Variants in FNDC1 observed in about 807,000 individuals in gnomAD.
FNDC1 encodes fibronectin type III domain-containing protein 1.
A neutral mutation model predicts 168.0 loss-of-function variants in FNDC1; 96 were observed. The ratio of observed to expected loss-of-function variants is 0.57; its 90% CI spans 0.48 to 0.68. The LOEUF is 0.68. Among genes scored for constraint, FNDC1 ranks in the 30% least tolerant of loss-of-function variants. The pLI is 0.00. For synonymous variants in FNDC1, 1,099 were observed against 1,025.9 expected (o/e 1.07, Z -1.36); for missense variants, 2,587 against 2,482.1 (o/e 1.04, Z -0.90).
intron 4 of FNDC1, among the ~76,000 whole-genome samples, chr6:159,210,402 T>C (rs1462802726): frequency 6.6e-6 from 1 of 152,226 alleles, no homozygotes; most frequent in Non-Finnish European, 1.5e-5. Flanking sequence ...GGTCAGCAGA[T>C]GGGCTGTGAT....
At chr6:159,239,307 T>C (rs919714825) in intron 13 of FNDC1, among the ~76,000 whole-genome samples, 11 of 152,222 alleles carry the variant, frequency 7.2e-5, no homozygotes, top group African/African-American at 1.9e-4. Flanking sequence ...GGCATAGGAA[T>C]GAGGCAAAGG....
At chr6:159,198,437 T>C (rs542777397) in intron 2 of FNDC1, among the ~76,000 whole-genome samples, 1 of 152,268 alleles carries the variant, frequency 6.6e-6, no homozygotes, top group East Asian at 1.9e-4. Context: ...CTCCACCTCC[T>C]GCATTTGACA....
chr6:159,243,792 A>G (rs566764772), intron 14 of FNDC1, among the ~76,000 whole-genome samples: 1 of 152,272 alleles, frequency 6.6e-6, no homozygotes, highest in Non-Finnish European at 1.5e-5. Flanking sequence ...TGGAGCCAGG[A>G]TGGTTCTATT....
chr6:159,204,007 T>C (rs1218060908), intron 4 of FNDC1, among the ~76,000 whole-genome samples: 2 of 152,260 alleles, frequency 1.3e-5, no homozygotes, highest in African/African-American at 4.8e-5. Flanking sequence ...TCTCAAGTTT[T>C]GGAGCCTAAA....
At position 159,266,103 on chromosome 6, in the gene FNDC1, C is replaced by G. The variant is rs974442430; in HGVS notation, c.5304C>G (p.Ile1768Met). The stretch of plus-strand genomic sequence containing the variant: ...GTCAAGGCGGTGAGCCTATCTGGAT[C>G]CCATTCGCTTTCAAACATGATCCCA... ...VRPPGGEPIW[I>M]PFAFKHDPSY... The change falls in exon 21 of 23, where the codon ATC becomes ATG. Residue 1768 changes from isoleucine (I) to methionine (M), a missense_variant. Ile to Met is a conservative substitution (Grantham distance 10, BLOSUM62 1). Transcript: ENST00000297267. 2 of 1,613,826 alleles carry G rather than the reference C, an allele frequency of 1.2e-6. No homozygotes were observed. The highest frequency in any genetic ancestry group is 1.7e-6 in the Non-Finnish European group (2 of 1,179,784).
At position 159,232,602 on chromosome 6, in the gene FNDC1, C is replaced by G. The variant is rs1363667151; in HGVS notation, c.2090C>G (p.Ala697Gly). ...CCCGGCGCAAAGCCAGCCTCGCCGG[C>G]CCGGAGGACCCCCCATTCAGGGGCC... is the stretch of plus-strand genomic sequence containing the variant. ...VHPGAKPASPARRTPHSGAAE... is the reference protein window; with the variant it reads ...VHPGAKPASPGRRTPHSGAAE... Residue 697 changes from alanine (A) to glycine (G), a missense_variant, in exon 11 of 23, where the codon GCC becomes GGC. Ala to Gly is a moderately conservative substitution (Grantham distance 60). Coordinates refer to ENST00000297267, the MANE Select transcript of FNDC1 (RefSeq NM_032532.3). This position sits in a 1 kb window ranked among gnomAD's most constrained non-coding sequence, Gnocchi z 4.9. The G allele has an allele frequency of 6.2e-7, 1 of 1,607,904 alleles. No individual in the cohort carries two copies. The highest frequency in any genetic ancestry group is 8.5e-7 in the Non-Finnish European group (1 of 1,176,244).
rs191201974 is a variant in FNDC1 at position 159,263,951 on chromosome 6, G to A, written c.5255-1024G>A. Among the ~76,000 whole-genome samples, 405 of 151,720 alleles carry A rather than the reference G, an allele frequency of 2.7e-3. 1 individual carries two copies. Among genetic ancestry groups the A allele is most frequent in the Non-Finnish European group, 4.5e-3 (309 of 67,998 alleles). ...GCCTGGGCAACAAGAGCAAAACTCCGTCTCAAACAAACAAACAAACAAAAA... is the reference window on the plus strand; with the variant it reads ...GCCTGGGCAACAAGAGCAAAACTCCATCTCAAACAAACAAACAAACAAAAA... On this transcript the variant is annotated intron_variant, in intron 19 of 22. Transcript: ENST00000297267.
intron 17 of FNDC1, among the ~76,000 whole-genome samples, chr6:159,254,397 C>T (rs2115018805): frequency 6.6e-6 from 1 of 152,278 alleles, no homozygotes; most frequent in Non-Finnish European, 1.5e-5. Context: ...GCCAGGCCAT[C>T]CTCTCCTCTG....
chr6:159,224,596 C>G lies in FNDC1; in HGVS notation c.885-939C>G, dbSNP rs577821053. On this transcript the variant is annotated intron_variant, in intron 7 of 22. Transcript: ENST00000297267. ...ACCTCAGAAGATTCGTAGCAATTCT[C>G]TCCCTAGCCATATGGTCTTCTTCAA... Among the ~76,000 whole-genome samples, 10 of 152,282 alleles carry G rather than the reference C, an allele frequency of 6.6e-5. No homozygotes were observed. The East Asian group carries it at 1.3e-3, about 21-fold the overall frequency.
intron 17 of FNDC1, among the ~76,000 whole-genome samples, chr6:159,255,099 A>G (rs958472515): frequency 1.3e-5 from 2 of 152,166 alleles, no homozygotes; most frequent in Non-Finnish European, 2.9e-5. Context: ...TGCAGACCTA[A>G]TTGTATAGGT....
Position 159,271,431 on chromosome 6 carries a change from G to C in FNDC1, c.5674G>C (p.Gly1892Arg). ...GWYECGVSIPGKW is the reference protein window; with the variant it reads ...GWYECGVSIPRKW The stretch of plus-strand genomic sequence containing the variant: ...GTACGAGTGTGGGGTCTCCATCCCT[G>C]GAAAGTGGTAATCACAGGACCGTCA... Residue 1892 changes from glycine to arginine, a missense_variant, in exon 23 of 23, where the codon GGA (glycine) becomes CGA (arginine). Gly to Arg is a moderately radical substitution (Grantham distance 125, BLOSUM62 -2). Coordinates refer to ENST00000297267, the MANE Select transcript of FNDC1 (RefSeq NM_032532.3). 12 of 1,608,200 alleles carry C rather than the reference G, an allele frequency of 7.5e-6. No homozygotes were observed. The highest frequency in any genetic ancestry group is 1.0e-5 in the Non-Finnish European group (12 of 1,177,304).
At chr6:159,212,084 CTGGATGGTAAT>C (rs1482141391) in intron 4 of FNDC1, among the ~76,000 whole-genome samples, 4 of 152,254 alleles carry the variant, frequency 2.6e-5, no homozygotes, top group Non-Finnish European at 4.4e-5. Flanking sequence ...CTACTGCAAT[CTGGATGGTAAT>C]TGTTTCACCC....
At chr6:159,172,028 C>G (rs1781672257) in intron 1 of FNDC1, among the ~76,000 whole-genome samples, 4 of 152,244 alleles carry the variant, frequency 2.6e-5, no homozygotes, top group African/African-American at 9.6e-5. Context: ...CACTAGTAGT[C>G]TTTGAATTTT....
At chr6:159,205,349 C>A (rs1194129007) in intron 4 of FNDC1, among the ~76,000 whole-genome samples, 1 of 152,174 alleles carries the variant, frequency 6.6e-6, no homozygotes, top group Non-Finnish European at 1.5e-5. Flanking sequence ...TCAAAATGAG[C>A]ACCAACTTTA....
chr6:159,210,080 G>A (rs1782567104), intron 4 of FNDC1, among the ~76,000 whole-genome samples: 3 of 152,232 alleles, frequency 2.0e-5, no homozygotes, highest in Non-Finnish European at 2.9e-5. Flanking sequence ...GGGTCCTTGG[G>A]AACTGTGCCA....
chr6:159,186,303 AT>A (rs1250828940), intron 1 of FNDC1, among the ~76,000 whole-genome samples: 1 of 152,236 alleles, frequency 6.6e-6, no homozygotes, highest in African/African-American at 2.4e-5. Context: ...CTTTGCTCCA[AT>A]TTCCCCTGAA....
rs1395402201 is a variant in FNDC1, at chr6:159,249,105, G to A, written c.4757G>A (p.Arg1586Lys). Residue 1586 changes from arginine to lysine, a missense_variant, in exon 16 of 23, where the codon AGG (arginine) becomes AAG (lysine). Transcript: ENST00000297267. ...CCTTCGACCACTGCTACCACACCGA[G>A]GGTGATCCCAGAGGAAGGCGCCATC... is the stretch of plus-strand genomic sequence containing the variant. ...TEPSTTATTP[R>K]VIPEEGAISS... The A allele has an allele frequency of 6.2e-7, 1 of 1,609,096 alleles. No homozygotes were observed. The highest frequency in any genetic ancestry group is 1.7e-5 in the Admixed American group (1 of 59,454).
At chr6:159,176,369 C>T (rs1477235756) in intron 1 of FNDC1, among the ~76,000 whole-genome samples, 2 of 152,104 alleles carry the variant, frequency 1.3e-5, no homozygotes, top group African/African-American at 2.4e-5. Flanking sequence ...GACACACAGG[C>T]AAGGAGGGCT....
At chr6:159,266,495 A>G (rs1777596070) in intron 21 of FNDC1, among the ~76,000 whole-genome samples, 1 of 152,212 alleles carries the variant, frequency 6.6e-6, no homozygotes, top group Non-Finnish European at 1.5e-5. Flanking sequence ...CTGTAATCGC[A>G]GCACTTTGGG....
Sources: allele counts gnomAD v4.1 joint callset (sites outside exome capture counted in the v4.1 genomes callset), GRCh38; gene constraint gnomAD v4.1.1; non-coding constraint Gnocchi (gnomAD v3.1); transcripts MANE v1.5; gene names NCBI Gene and HGNC (gene_info 2026-07-23, HGNC 2026-07-21).